Variants in KIAA1217 observed in about 807,000 individuals in gnomAD.
KIAA1217 encodes the protein sickle tail protein homolog.
Under a neutral mutation model 163.9 loss-of-function variants are expected in KIAA1217, and 88 were observed. That is an observed-to-expected ratio of 0.54 (90% CI 0.45 to 0.64). KIAA1217 has a LOEUF of 0.64. Among genes scored for constraint, KIAA1217 ranks in the 30% least tolerant of loss-of-function variants. KIAA1217 has a pLI of 0.00. For missense variants in KIAA1217, 2,372 were observed against 2,475.0 expected, an observed-to-expected ratio of 0.96 and a Z score of 0.88; for synonymous variants, 903 against 923.1, an observed-to-expected ratio of 0.98 and a Z score of 0.39.
chr10:24,149,674 T>A (rs1318419666), intron 2 of KIAA1217, among the ~76,000 whole-genome samples: 1 of 152,068 alleles, frequency 6.6e-6, no homozygotes, highest in Non-Finnish European at 1.5e-5. Flanking sequence ...CTAGAAGGAA[T>A]AAGATCTAGT....
At chr10:23,996,399 G>A (rs1296759974) in intron 1 of KIAA1217, among the ~76,000 whole-genome samples, 1 of 152,100 alleles carries the variant, frequency 6.6e-6, no homozygotes, top group Non-Finnish European at 1.5e-5. Context: ...TGTGGAAAGG[G>A]GAGCACTGGG....
intron 1 of KIAA1217, among the ~76,000 whole-genome samples, chr10:23,899,112 T>C (rs1841844384): frequency 6.6e-6 from 1 of 152,108 alleles, no homozygotes; most frequent in Non-Finnish European, 1.5e-5. Flanking sequence ...GTTTCCTCTA[T>C]AATCAATGCC....
At chr10:24,342,560 T>C (rs1424344371) in intron 2 of KIAA1217, among the ~76,000 whole-genome samples, 1 of 152,088 alleles carries the variant, frequency 6.6e-6, no homozygotes, top group Non-Finnish European at 1.5e-5. Flanking sequence ...TTTATAAAAA[T>C]TATAATAATC....
At chr10:24,037,185 T>C (rs1848429459) in intron 2 of KIAA1217, among the ~76,000 whole-genome samples, 1 of 151,910 alleles carries the variant, frequency 6.6e-6, no homozygotes. Context: ...TAAAACCCAG[T>C]CCCAGCCCAG....
intron 1 of KIAA1217, among the ~76,000 whole-genome samples, chr10:23,790,386 C>CAT (rs1178442064): frequency 1.2e-5 from 1 of 83,128 alleles, no homozygotes; most frequent in East Asian, 3.1e-4. Flanking sequence ...TGTATATATA[C>CAT]ATATGTATAT....
At chr10:23,796,658 C>T (rs538783967) in intron 1 of KIAA1217, among the ~76,000 whole-genome samples, 19 of 152,098 alleles carry the variant, frequency 1.2e-4, no homozygotes, top group Middle Eastern at 3.4e-3. Context: ...TCACTGCGCC[C>T]GGCTGCTTTG....
At chr10:23,930,141 A>T (rs1343484380) in intron 1 of KIAA1217, among the ~76,000 whole-genome samples, 1 of 151,842 alleles carries the variant, frequency 6.6e-6, no homozygotes, top group Non-Finnish European at 1.5e-5. Flanking sequence ...ATGATGACTG[A>T]TGTTGAGCAT....
intron 1 of KIAA1217, among the ~76,000 whole-genome samples, chr10:23,905,700 G>A (rs1038768365): frequency 6.6e-6 from 1 of 152,098 alleles, no homozygotes; most frequent in East Asian, 1.9e-4. Context: ...AATGGAAAAA[G>A]AGAGGAGTTG....
chr10:23,938,680 A>AG (rs1443267448), intron 1 of KIAA1217, among the ~76,000 whole-genome samples: 1 of 151,030 alleles, frequency 6.6e-6, no homozygotes, highest in Non-Finnish European at 1.5e-5. Flanking sequence ...AAAAAAAAAA[A>AG]GGATGTGCCT....
intron 1 of KIAA1217, among the ~76,000 whole-genome samples, chr10:23,878,061 T>C (rs769689958): frequency 6.6e-6 from 1 of 151,854 alleles, no homozygotes; most frequent in Non-Finnish European, 1.5e-5. Flanking sequence ...GAGGCACAAA[T>C]GCCCTCTGCT....
chr10:24,532,380 T>C (rs962263251), intron 15 of KIAA1217, among the ~76,000 whole-genome samples: 2 of 152,206 alleles, frequency 1.3e-5, no homozygotes, highest in Non-Finnish European at 2.9e-5. Context: ...TAAATTCCAC[T>C]TAACTAACCA....
intron 5 of KIAA1217, among the ~76,000 whole-genome samples, chr10:24,451,584 C>T (rs1356058057): frequency 6.6e-6 from 1 of 152,198 alleles, no homozygotes; most frequent in Non-Finnish European, 1.5e-5. Flanking sequence ...CCCAGTTCAG[C>T]ATAAAATCCA....
rs1019486170 is a variant in KIAA1217 at position 24,160,132 on chromosome 10, C to T, written c.-170-59494C>T. On this transcript the variant is annotated intron_variant, in intron 2 of 18. Transcript: ENST00000376462. ...ATTACGATAAATGCATAAGGCATGA[C>T]GTCAGTTAGTGTTAGTTCTCTAACT... Among the ~76,000 whole-genome samples, 104 of 152,252 alleles carry T rather than the reference C, an allele frequency of 6.8e-4. 1 individual carries two copies. The highest frequency in any genetic ancestry group is 1.8e-4 in the Non-Finnish European group (12 of 68,026).
At chr10:23,982,367 C>T (rs538110564) in intron 1 of KIAA1217, among the ~76,000 whole-genome samples, 7 of 152,090 alleles carry the variant, frequency 4.6e-5, no homozygotes, top group East Asian at 1.9e-4. Flanking sequence ...TGTTTTTCCC[C>T]GATGATTCCC....
intron 3 of KIAA1217, among the ~76,000 whole-genome samples, chr10:24,402,570 A>C (rs2056712857): frequency 6.6e-6 from 1 of 151,858 alleles, no homozygotes; most frequent in East Asian, 1.9e-4. Flanking sequence ...AGCTAAAACT[A>C]TTTTGACAAA....
At chr10:24,049,710 A>G (rs1447255873) in intron 2 of KIAA1217, among the ~76,000 whole-genome samples, 2 of 152,148 alleles carry the variant, frequency 1.3e-5, no homozygotes, top group Non-Finnish European at 2.9e-5. Flanking sequence ...TCTATCATTG[A>G]TGGACATTTG....
intron 1 of KIAA1217, among the ~76,000 whole-genome samples, chr10:23,856,295 G>T (rs1034365618): frequency 3.3e-5 from 5 of 152,204 alleles, no homozygotes; most frequent in Non-Finnish European, 1.5e-5. Flanking sequence ...CTGTTTGCCT[G>T]GGTATCAGCA....
rs1408445334 is a variant in KIAA1217, at chr10:23,855,657, C to T, written c.-320-151568C>T. ...GTCACTTTCAGGTACACCAATCAGA[C>T]GTAGATTTCGTCTTTTCATGTAGTC... On this transcript the variant is annotated intron_variant, in intron 1 of 18. Coordinates refer to the KIAA1217 transcript ENST00000376462. 8.5e-5 allele frequency among the ~76,000 whole-genome samples: 13 copies of T among 152,312 alleles called. 1 individual carries two copies. The East Asian group carries it at 2.1e-3, about 25-fold the overall frequency.
At chr10:24,493,197 T>C (rs1258734607) in intron 6 of KIAA1217, among the ~76,000 whole-genome samples, 2 of 152,164 alleles carry the variant, frequency 1.3e-5, no homozygotes, top group African/African-American at 4.8e-5. Context: ...CCAGCATGTA[T>C]TTAATAGTGT....
Sources: allele counts gnomAD v4.1 joint callset (sites outside exome capture counted in the v4.1 genomes callset), GRCh38; gene constraint gnomAD v4.1.1; transcripts MANE v1.5; gene names NCBI Gene and HGNC (gene_info 2026-07-23, HGNC 2026-07-21).